ITIH6: variants seen among roughly 807,000 people sequenced by gnomAD.
The protein encoded by ITIH6 is inter-alpha-trypsin inhibitor heavy chain H6.
A neutral mutation model predicts 58.2 loss-of-function variants in ITIH6; 60 were observed. The ratio of observed to expected loss-of-function variants is 1.03; its 90% CI spans 0.84 to 1.28. The LOEUF is 1.28. Ranked by LOEUF, ITIH6 falls within the 50% of genes most tolerant of loss-of-function variation. The pLI is 0.00. For synonymous variants in ITIH6, 493 were observed against 417.4 expected (o/e 1.18, Z -2.21); for missense variants, 1,290 against 1,021.1 (o/e 1.26, Z -3.59).
chrX:54,793,643 C>G (rs1929386677), intron 2 of ITIH6, among the ~76,000 whole-genome samples: 1 of 112,039 alleles, frequency 8.9e-6, no homozygotes, highest in African/African-American at 3.2e-5. Flanking sequence ...AGAGGAGGTG[C>G]TCAACAATTA....
chrX:54,753,728 T>C lies in ITIH6; in HGVS notation c.3275A>G (p.His1092Arg), dbSNP rs748065295. The C allele has an allele frequency of 2.8e-5, 34 of 1,208,976 alleles. No homozygotes were observed. The highest frequency in any genetic ancestry group is 3.6e-5 in the Non-Finnish European group (32 of 894,795). The change falls in exon 11 of 13, where the codon CAC becomes CGC. Residue 1092 changes from histidine (H) to arginine (R), a missense_variant. By Grantham distance (29) the His-to-Arg change is conservative. Coordinates refer to ENST00000218436, the MANE Select transcript of ITIH6 (RefSeq NM_198510.3). The part of the protein sequence containing the change: ...GDPHFVIQIP[H>R]SEEKICFTLN... ...TGTGAAGCAGATCTTCTCTTCTGAGTGTGGGATTTGGATCACAAAGTGGGG... is the reference window on the plus strand; with the variant it reads ...TGTGAAGCAGATCTTCTCTTCTGAGCGTGGGATTTGGATCACAAAGTGGGG...
In ITIH6 at chrX:54,758,235, G is replaced by T; in HGVS notation, c.1839C>A (p.Pro613=). The change falls in exon 8 of 13, where the codon CCC becomes CCA. Residue 613 remains proline, a synonymous_variant. Transcript: ENST00000218436. ...TPLTSLVMVQ[P]KQASEETRRQ... ...TCCTGGTCTCCTCACTGGCCTGTTT[G>T]GGTTGCACCATGACCAGTGAAGTCA... The T allele has an allele frequency of 8.3e-7, 1 of 1,211,145 alleles. No homozygotes were observed.
At chrX:54,773,968 A>G (rs1321833076) in intron 6 of ITIH6, 113 bp downstream of exon 6, 2 of 421,176 alleles carry the variant, frequency 4.7e-6, no homozygotes, top group Non-Finnish European at 8.1e-6. Context: ...TGTAAGACTC[A>G]AGGGTCATGG....
chrX:54,791,423 A>G (rs1324302076), intron 3 of ITIH6, among the ~76,000 whole-genome samples: 2 of 110,307 alleles, frequency 1.8e-5, no homozygotes, highest in Non-Finnish European at 3.8e-5. Context: ...CAATTTACAT[A>G]CAATGCCTCA....
intron 4 of ITIH6, 68 bp from the exon 5 acceptor site, chrX:54,788,717 G>T (rs1929290900): frequency 4.3e-6 from 4 of 928,100 alleles, no homozygotes; most frequent in East Asian, 3.2e-5. Context: ...ACCAGGGAAA[G>T]GGCAGCACAA....
intron 9 of ITIH6, among the ~76,000 whole-genome samples, chrX:54,754,280 G>A (rs909778270): frequency 9.0e-6 from 1 of 111,520 alleles, no homozygotes; most frequent in Non-Finnish European, 1.9e-5. Context: ...CTTTTCTCTT[G>A]CTCTCTGCCT....
chrX:54,758,464 C>T lies in ITIH6; in HGVS notation c.1610G>A (p.Gly537Glu). 1 of 1,209,412 alleles carries T rather than the reference C, an allele frequency of 8.3e-7. No individual in the cohort carries two copies. Among genetic ancestry groups the T allele is most frequent in the South Asian group, 1.8e-5 (1 of 56,450 alleles). Residue 537 changes from glycine (G) to glutamate (E), a missense_variant, in exon 8 of 13, where the codon GGG becomes GAG. Transcript: ENST00000218436. Reference sequence around the variant, plus strand: ...GGCCTTCTGGCTGTTGTTGGTGGCCCCTTCACTGTGGTGGGCCACAAGAAG... The same window carrying T: ...GGCCTTCTGGCTGTTGTTGGTGGCCTCTTCACTGTGGTGGGCCACAAGAAG... ...DQLLVAHHSE[G>E]ATNNSQKAFG...
chrX:54,750,503 C>T (rs1371604027), intron 12 of ITIH6, among the ~76,000 whole-genome samples: 7 of 111,503 alleles, frequency 6.3e-5, no homozygotes, highest in African/African-American at 2.3e-4. Context: ...TGGCTTCCTA[C>T]AACCTCCCTT....
chrX:54,788,601 C>T lies in ITIH6; in HGVS notation c.665G>A (p.Cys222Tyr), dbSNP rs1189434186. ...PSTRIERGETCVRITYCPTLQ... is the reference protein window; with the variant it reads ...PSTRIERGETYVRITYCPTLQ... ...TGTCGGGCAGTAGGTGATTCGGACA[C>T]AGGTCTCTCCCCTCTCGATCCTGGT... The change falls in exon 5 of 13, where the codon TGT becomes TAT. Residue 222 changes from cysteine to tyrosine, a missense_variant. By Grantham distance (194) the Cys-to-Tyr change is radical (BLOSUM62 -2). Coordinates refer to ENST00000218436, the MANE Select transcript of ITIH6 (RefSeq NM_198510.3). 6.6e-6 allele frequency: 8 copies of T among 1,210,243 alleles called. No homozygotes were observed. The highest frequency in any genetic ancestry group is 8.9e-6 in the Non-Finnish European group (8 of 894,422).
At chrX:54,761,500 G>C (rs896579657) in intron 6 of ITIH6, among the ~76,000 whole-genome samples, 1 of 111,363 alleles carries the variant, frequency 9.0e-6, no homozygotes, top group African/African-American at 3.3e-5. Context: ...TTTTAGACAT[G>C]AAGTCCTTGC....
chrX:54,760,359 G>A, intron 6 of ITIH6, among the ~76,000 whole-genome samples: 1 of 111,008 alleles, frequency 9.0e-6, no homozygotes. Context: ...TGTTTTTAGA[G>A]CTCTAGAATT....
chrX:54,773,977 G>T, intron 6 of ITIH6, 104 bp downstream of exon 6: 1 of 454,876 alleles, frequency 2.2e-6, no homozygotes, highest in Non-Finnish European at 3.8e-6. Context: ...CAAGGGTCAT[G>T]GGATGGTGGA....
chrX:54,788,568 T>A lies in ITIH6; in HGVS notation c.698A>T (p.Asp233Val). 3 of 1,208,859 alleles carry A rather than the reference T, an allele frequency of 2.5e-6. No homozygotes were observed. Among genetic ancestry groups the A allele is most frequent in the Non-Finnish European group, 3.4e-6 (3 of 893,475 alleles). ...GCCTGACCCAGAGATGGACGACTGG[T>A]CTTGCAATGTCGGGCAGTAGGTGAT... Reference protein sequence around the residue: ...VRITYCPTLQDQSSISGSGIM... With the variant: ...VRITYCPTLQVQSSISGSGIM... The change falls in exon 5 of 13, where the codon GAC (aspartate) becomes GTC (valine). Residue 233 changes from aspartate (D) to valine (V), a missense_variant. By Grantham distance (152) the Asp-to-Val change is radical. Transcript: ENST00000218436.
Position 54,758,778 on chromosome X carries a change from A to C in ITIH6, c.1296T>G (p.Asp432Glu), listed in dbSNP as rs753974149. The C allele has an allele frequency of 3.1e-5, 38 of 1,207,935 alleles. No individual in the cohort carries two copies. In the East Asian group the frequency reaches 1.1e-3, roughly 35 times the overall value. Residue 432 changes from aspartate (D) to glutamate (E), a missense_variant, in exon 8 of 13, where the codon GAT becomes GAG. Transcript: ENST00000218436. ...VSLFSLAFGD[D>E]ADFTLLRRLS... ...GGCGGCGCAGCAGTGTAAAGTCAGC[A>C]TCATCCCCAAAGGCCAAGCTGAAAA... is the stretch of plus-strand genomic sequence containing the variant.
intron 6 of ITIH6, among the ~76,000 whole-genome samples, chrX:54,773,229 T>C (rs1482783135): frequency 9.0e-6 from 1 of 111,478 alleles, no homozygotes; most frequent in Admixed American, 9.5e-5. Context: ...TTTTAGTGAA[T>C]TGGTGTCCCT....
At chrX:54,778,352 G>C (rs958718265) in intron 5 of ITIH6, among the ~76,000 whole-genome samples, 2 of 110,162 alleles carry the variant, frequency 1.8e-5, no homozygotes, top group African/African-American at 3.3e-5. Flanking sequence ...GCACCACCAT[G>C]CCCGGCTAAT....
intron 7 of ITIH6, 23 bp from the exon 8 acceptor site, chrX:54,759,021 G>A (rs1256501587): frequency 9.3e-7 from 1 of 1,072,873 alleles, no homozygotes; most frequent in East Asian, 3.3e-5. Context: ...TAGATTGTGA[G>A]ACCATCTTCT....
At chrX:54,777,051 C>T (rs1929065338) in intron 5 of ITIH6, among the ~76,000 whole-genome samples, 1 of 111,948 alleles carries the variant, frequency 8.9e-6, no homozygotes, top group South Asian at 3.8e-4. Context: ...CCGGGCCTGC[C>T]CTAGGCCAGA....
chrX:54,760,762 T>C (rs1331545244), intron 6 of ITIH6, among the ~76,000 whole-genome samples: 1 of 111,568 alleles, frequency 9.0e-6, no homozygotes, highest in African/African-American at 3.3e-5. Context: ...ACAAAGGACA[T>C]GAACTCATCA....
Sources: gnomAD v4.1 joint callset for allele counts (sites outside exome capture counted in the v4.1 genomes callset) on GRCh38, gnomAD v4.1.1 for gene constraint, MANE v1.5 for transcripts, NCBI Gene and HGNC (gene_info 2026-07-23, HGNC 2026-07-21) for gene names.